Variants in SNX13 observed in about 807,000 individuals in gnomAD.
SNX13 encodes the protein sorting nexin 13.
In SNX13, 45 loss-of-function variants were observed where a neutral mutation model predicts 133.6. The ratio of observed to expected loss-of-function variants is 0.34; its 90% CI spans 0.27 to 0.43. The LOEUF is 0.43. Ranked by LOEUF, SNX13 falls within the 20% of genes least tolerant of loss-of-function variation. The probability of loss-of-function intolerance (pLI) is 1.00; values close to 1 mark genes in which losing one functional copy is unlikely to be tolerated. For synonymous variants in SNX13, 414 were observed against 373.9 expected (o/e 1.11, Z -1.24); for missense variants, 1,032 against 1,145.1 (o/e 0.90, Z 1.43).
rs1797329459 is a variant in SNX13, at chr7:17,897,449, G to A, written c.13-3C>T. The stretch of plus-strand genomic sequence containing the variant: ...CATCCCCATATGGATAGACTGGCCT[G>A]AAATACAGAAAAAATATAAGTAAAT... On this transcript the variant is annotated splice_region_variant and splice_polypyrimidine_tract_variant and intron_variant, in intron 1 of 25. Coordinates refer to ENST00000428135, the MANE Select transcript of SNX13 (RefSeq NM_015132.5). 4 of 1,492,332 alleles carry A rather than the reference G, an allele frequency of 2.7e-6. No homozygotes were observed. In the East Asian group the frequency reaches 7.0e-5, roughly 26 times the overall value. 92.4% of individuals were successfully genotyped at this position (1,492,332 alleles called of 1,614,324 possible).
At chr7:17,857,486 C>T (rs1419303648) in intron 9 of SNX13, among the ~76,000 whole-genome samples, 1 of 152,088 alleles carries the variant, frequency 6.6e-6, no homozygotes, top group East Asian at 1.9e-4. Flanking sequence ...AGATCCTCAA[C>T]AAAATACTAG....
chr7:17,891,345 G>A (rs1010579439), intron 4 of SNX13, among the ~76,000 whole-genome samples: 13 of 151,956 alleles, frequency 8.6e-5, no homozygotes, highest in Non-Finnish European at 1.5e-4. Context: ...AAATTCAATC[G>A]AAAGGCTTTT....
At chr7:17,841,230 A>G (rs958946015) in intron 12 of SNX13, among the ~76,000 whole-genome samples, 2 of 152,068 alleles carry the variant, frequency 1.3e-5, no homozygotes, top group Non-Finnish European at 2.9e-5. Flanking sequence ...CAAGAGATTT[A>G]GAAGACTGGC....
At chr7:17,804,361 TATTTG>T (rs1298335563) in intron 20 of SNX13, among the ~76,000 whole-genome samples, 11 of 152,198 alleles carry the variant, frequency 7.2e-5, no homozygotes, top group South Asian at 4.1e-4. Context: ...AACTAATAAG[TATTTG>T]ATTTATTTTT....
intron 5 of SNX13, among the ~76,000 whole-genome samples, chr7:17,883,868 C>A (rs2128367856): frequency 6.6e-6 from 1 of 152,258 alleles, no homozygotes; most frequent in Non-Finnish European, 1.5e-5. Context: ...TGGTTTCCAG[C>A]TTCATCCATG....
intron 17 of SNX13, among the ~76,000 whole-genome samples, chr7:17,821,906 C>G (rs532599190): frequency 3.9e-5 from 6 of 152,268 alleles, no homozygotes; most frequent in Middle Eastern, 3.4e-3. Context: ...CACTATCAAT[C>G]ACAAAGCGGT....
chr7:17,793,220 A>G lies in SNX13; in HGVS notation c.*825T>C, dbSNP rs1352888418. On this transcript the variant is annotated 3_prime_UTR_variant, in exon 26 of 26. Coordinates refer to ENST00000428135, the MANE Select transcript of SNX13 (RefSeq NM_015132.5). ...TTTGGCAGTTCTTCCAATAAATTAT[A>G]TCTTCTGTATAATCAGTAATCTGTT... 6.6e-6 allele frequency: 1 copy of G among 152,372 alleles called. No homozygotes were observed. The highest frequency in any genetic ancestry group is 2.4e-5 in the African/African-American group (1 of 41,432). The allele number at this position is 152,372 out of a possible 1,614,324, so 9.4% of individuals were successfully genotyped here. A position where few individuals can be genotyped will look rare whatever the true frequency, so the allele number is the denominator to read the frequency against.
intron 1 of SNX13, among the ~76,000 whole-genome samples, chr7:17,905,438 A>G (rs559283440): frequency 6.6e-6 from 1 of 152,280 alleles, no homozygotes; most frequent in Admixed American, 6.5e-5. Flanking sequence ...TGATTCACAG[A>G]GTGTTTGGGG....
chr7:17,822,777 C>A (rs1453365759), intron 17 of SNX13, among the ~76,000 whole-genome samples: 1 of 152,138 alleles, frequency 6.6e-6, no homozygotes, highest in Non-Finnish European at 1.5e-5. Flanking sequence ...AGTGTCACCA[C>A]TCTAACTGCT....
At chr7:17,905,959 C>G (rs1224388045) in intron 1 of SNX13, among the ~76,000 whole-genome samples, 1 of 152,130 alleles carries the variant, frequency 6.6e-6, no homozygotes, top group East Asian at 1.9e-4. Context: ...GCATATACCA[C>G]TTTACCTTGC....
At chr7:17,829,714 G>A (rs1203516641) in intron 16 of SNX13, among the ~76,000 whole-genome samples, 1 of 151,070 alleles carries the variant, frequency 6.6e-6, no homozygotes, top group Non-Finnish European at 1.5e-5. Context: ...ATTTAAACAT[G>A]CTAAATATTA....
chr7:17,869,952 T>C (rs1793877216), intron 8 of SNX13, among the ~76,000 whole-genome samples: 1 of 151,888 alleles, frequency 6.6e-6, no homozygotes, highest in Non-Finnish European at 1.5e-5. Context: ...CTGGGGAAAA[T>C]TTTTGATTAA....
chr7:17,807,497 T>C (rs1785446365), intron 20 of SNX13, among the ~76,000 whole-genome samples: 1 of 152,172 alleles, frequency 6.6e-6, no homozygotes, highest in African/African-American at 2.4e-5. Flanking sequence ...CCAATCTCCC[T>C]GGGACAGAGC....
At chr7:17,858,735 A>C (rs1417002212) in intron 9 of SNX13, among the ~76,000 whole-genome samples, 1 of 152,158 alleles carries the variant, frequency 6.6e-6, no homozygotes, top group African/African-American at 2.4e-5. Context: ...AAGCTAAAGT[A>C]ATCAGAAAGT....
intron 13 of SNX13, among the ~76,000 whole-genome samples, chr7:17,838,157 C>G (rs901040876): frequency 1.4e-4 from 22 of 152,030 alleles, no homozygotes; most frequent in African/African-American, 4.3e-4. Context: ...CTATAGCTAG[C>G]AAGAATCAGA....
chr7:17,859,997 C>A (rs1006413367), intron 9 of SNX13, among the ~76,000 whole-genome samples: 7 of 152,094 alleles, frequency 4.6e-5, no homozygotes, highest in African/African-American at 1.7e-4. Context: ...GTTTTCAATT[C>A]TTTTGGATAG....
At position 17,821,598 on chromosome 7, in the gene SNX13, G is replaced by A. The variant is rs1393858853; in HGVS notation, c.1756C>T (p.His586Tyr). Residue 586 changes from histidine (H) to tyrosine (Y), a missense_variant, in exon 18 of 26, where the codon CAC (histidine) becomes TAC (tyrosine). Physicochemically the swap from His to Tyr is moderately conservative, Grantham distance 83. Coordinates refer to ENST00000428135, the MANE Select transcript of SNX13 (RefSeq NM_015132.5). ...KTYALYAITVHRRNLNSEEMW... is the reference protein window; with the variant it reads ...KTYALYAITVYRRNLNSEEMW... ...TCCTCACTGTTTAGGTTGCGCCGGT[G>A]TACAGTGATGGCATATAATGCATAT... The A allele has an allele frequency of 6.2e-7, 1 of 1,613,560 alleles. No homozygotes were observed. Among genetic ancestry groups the A allele is most frequent in the East Asian group, 2.2e-5 (1 of 44,854 alleles).
At chr7:17,912,415 C>CT (rs34849896) in intron 1 of SNX13, among the ~76,000 whole-genome samples, 53,577 of 147,658 alleles carry the variant, frequency 0.36, 10,020 homozygotes, top group East Asian at 0.63. Context: ...GAGGAAAATG[C>CT]TTTTTTTTTT....
chr7:17,842,512 T>C (rs537055690), intron 12 of SNX13, among the ~76,000 whole-genome samples: 1 of 152,032 alleles, frequency 6.6e-6, no homozygotes, highest in Non-Finnish European at 1.5e-5. Context: ...TGAAATCATA[T>C]GAAGAAATAA....
Sources: allele counts gnomAD v4.1 joint callset (sites outside exome capture counted in the v4.1 genomes callset), GRCh38; gene constraint gnomAD v4.1.1; transcripts MANE v1.5; gene names NCBI Gene and HGNC (gene_info 2026-07-23, HGNC 2026-07-21).